KCNMA1: variants seen among roughly 807,000 people sequenced by gnomAD.
The protein encoded by KCNMA1 is potassium calcium-activated channel subfamily M alpha 1.
In KCNMA1, 29 loss-of-function variants were observed where a neutral mutation model predicts 140.0. The ratio of observed to expected loss-of-function variants is 0.21; its 90% confidence interval spans 0.15 to 0.28. KCNMA1 has a LOEUF of 0.28. Ranked by LOEUF, KCNMA1 falls within the 10% of genes least tolerant of loss-of-function variation. KCNMA1 has a pLI of 1.00. For missense variants in KCNMA1, 880 were observed against 1,602.2 expected, an observed-to-expected ratio of 0.55 and a Z score of 7.70; for synonymous variants, 612 against 611.9, an observed-to-expected ratio of 1.00 and a Z score of 0.00.
intron 12 of KCNMA1, 142 bp from the exon 13 acceptor site, chr10:77,079,692 T>C (rs2096513643): frequency 2.9e-6 from 2 of 698,594 alleles, no homozygotes; most frequent in East Asian, 2.7e-5. Context: ...AGGGCTCAGA[T>C]ACCAGACAAA....
chr10:76,920,051 T>TATATATATAC (rs1434881721), intron 23 of KCNMA1, among the ~76,000 whole-genome samples: 8 of 116,710 alleles, frequency 6.9e-5, no homozygotes, highest in South Asian at 2.8e-4. Flanking sequence ...TATATATATA[T>TATATATATAC]ACACACAATA....
chr10:77,490,222 T>C (rs2098515741), intron 1 of KCNMA1, among the ~76,000 whole-genome samples: 1 of 152,224 alleles, frequency 6.6e-6, no homozygotes. Flanking sequence ...GGTTTACACA[T>C]GAATTTGTGG....
intron 19 of KCNMA1, among the ~76,000 whole-genome samples, chr10:76,978,183 C>T (rs2078266718): frequency 6.6e-6 from 1 of 152,206 alleles, no homozygotes; most frequent in Admixed American, 6.5e-5. Context: ...CAGACGGCTG[C>T]TGTCTCTTTG....
rs71028253 is a variant in KCNMA1, at chr10:77,134,997, C to CAAAAAAAAAAAAAAAAAAAAAAAAAAAAA, written c.809-13978_809-13950dup. Among the ~76,000 whole-genome samples, 5 of 11,770 alleles carry CAAAAAAAAAAAAAAAAAAAAAAAAAAAAA rather than the reference C, an allele frequency of 4.2e-4. 2 individuals are homozygous for CAAAAAAAAAAAAAAAAAAAAAAAAAAAAA. The highest frequency in any genetic ancestry group is 6.9e-4 in the African/African-American group (3 of 4,318). The allele number at this position is 11,770 out of a possible 152,430, so 7.7% of individuals were successfully genotyped here. On this transcript the variant is annotated intron_variant, in intron 5 of 27. Coordinates refer to ENST00000286628, the MANE Select transcript of KCNMA1 (RefSeq NM_001161352.2). ...TGGGAGACAGAGCAAGACTCTGTCT[C>CAAAAAAAAAAAAAAAAAAAAAAAAAAAAA]AAAAAAAAAAAAAAAAAAAAAAAAA...
chr10:76,923,918 T>C (rs898733888), intron 23 of KCNMA1, among the ~76,000 whole-genome samples: 2 of 152,216 alleles, frequency 1.3e-5, no homozygotes, highest in East Asian at 1.9e-4. Flanking sequence ...CGTGGGAGGA[T>C]TGCTTGAGCC....
intron 1 of KCNMA1, among the ~76,000 whole-genome samples, chr10:77,462,993 T>C (rs2097907521): frequency 6.6e-6 from 1 of 152,152 alleles, no homozygotes; most frequent in Admixed American, 6.5e-5. Context: ...TTGACTTATC[T>C]AGGGATGGCT....
At chr10:77,251,116 C>T (rs1171306720) in intron 3 of KCNMA1, 79 bp downstream of exon 3, 5 of 1,145,828 alleles carry the variant, frequency 4.4e-6, no homozygotes, top group Non-Finnish European at 6.6e-6. Flanking sequence ...AGGTTGGTGT[C>T]AAGGTAAATA....
At chr10:77,133,602 C>CACAAACAATACACAA (rs80322821) in intron 5 of KCNMA1, among the ~76,000 whole-genome samples, 1,892 of 147,344 alleles carry the variant, frequency 0.013, 27 homozygotes, top group Non-Finnish European at 0.021. Context: ...AGAAACAATC[C>CACAAACAATACACAA]ACAAAGAATG....
At chr10:77,628,012 A>AC (rs2154570667) in intron 1 of KCNMA1, among the ~76,000 whole-genome samples, 2 of 114,758 alleles carry the variant, frequency 1.7e-5, no homozygotes, top group African/African-American at 6.6e-5. Context: ...TCTCGATCCC[A>AC]CCCCCCAGCC....
intron 1 of KCNMA1, among the ~76,000 whole-genome samples, chr10:77,500,615 G>A (rs1220989383): frequency 6.6e-6 from 1 of 152,166 alleles, no homozygotes; most frequent in Non-Finnish European, 1.5e-5. Flanking sequence ...ATAATCCAAA[G>A]TGAGTATCTA....
rs145696357 is a variant in KCNMA1, at chr10:77,066,563, C to T, written c.1749+6534G>A. Among the ~76,000 whole-genome samples, 17 of 152,082 alleles carry T rather than the reference C, an allele frequency of 1.1e-4. No individual in the cohort carries two copies. The East Asian group carries it at 1.5e-3, about 14-fold the overall frequency. On this transcript the variant is annotated intron_variant, in intron 14 of 27. Transcript: ENST00000286628. Reference sequence around the variant, plus strand: ...TGTTGAGCAGCAGTTGAATCGGTGACGCCGGGTTCAGGGGAGAGGTTCTTC... The same window carrying T: ...TGTTGAGCAGCAGTTGAATCGGTGATGCCGGGTTCAGGGGAGAGGTTCTTC...
chr10:77,133,042 T>G (rs141707749), intron 5 of KCNMA1, among the ~76,000 whole-genome samples: 1,550 of 152,050 alleles, frequency 0.01, 38 homozygotes, highest in Admixed American at 0.057. Flanking sequence ...GAAATTCTTG[T>G]CTTGATAGGA....
intron 1 of KCNMA1, among the ~76,000 whole-genome samples, chr10:77,409,343 A>G (rs1566657117): frequency 6.6e-6 from 1 of 152,226 alleles, no homozygotes; most frequent in Non-Finnish European, 1.5e-5. Context: ...CACAGTGTAC[A>G]GATGAGAAAA....
intron 1 of KCNMA1, among the ~76,000 whole-genome samples, chr10:77,607,308 G>C (rs2084903642): frequency 6.6e-6 from 1 of 152,154 alleles, no homozygotes; most frequent in South Asian, 2.1e-4. Context: ...GCTTGCAAAA[G>C]GCATTGCTTC....
chr10:77,278,167 A>G (rs1600982938), intron 2 of KCNMA1, among the ~76,000 whole-genome samples: 3 of 152,214 alleles, frequency 2.0e-5, no homozygotes, highest in South Asian at 2.1e-4. Flanking sequence ...CTCAGACCCT[A>G]CTATGACTCT....
chr10:77,576,337 C>T (rs1025529187), intron 1 of KCNMA1, among the ~76,000 whole-genome samples: 1 of 152,218 alleles, frequency 6.6e-6, no homozygotes, highest in Admixed American at 6.5e-5. Flanking sequence ...AAGACTTCCT[C>T]TCCCAGAAAG....
intron 8 of KCNMA1, 55 bp downstream of exon 8, chr10:77,110,118 A>G: frequency 7.0e-7 from 1 of 1,423,048 alleles, no homozygotes; most frequent in East Asian, 2.3e-5. Flanking sequence ...GAAATGTATC[A>G]TGGAAAATAT....
At chr10:77,550,834 T>C (rs2062658399) in intron 1 of KCNMA1, among the ~76,000 whole-genome samples, 1 of 152,136 alleles carries the variant, frequency 6.6e-6, no homozygotes, top group Non-Finnish European at 1.5e-5. Context: ...TTTTTATACA[T>C]TTCCCCCCAC....
intron 14 of KCNMA1, among the ~76,000 whole-genome samples, chr10:77,045,367 C>T (rs914660199): frequency 5.3e-5 from 8 of 152,158 alleles, no homozygotes; most frequent in Non-Finnish European, 2.9e-5. Flanking sequence ...TTTAGAAGAG[C>T]GCCTAGCAAA....
Sources: gnomAD v4.1 joint callset for allele counts (sites outside exome capture counted in the v4.1 genomes callset) on GRCh38, gnomAD v4.1.1 for gene constraint, MANE v1.5 for transcripts, NCBI Gene and HGNC (gene_info 2026-07-23, HGNC 2026-07-21) for gene names.